GRID2: variants seen among roughly 807,000 people sequenced by gnomAD.
The protein encoded by GRID2 is glutamate ionotropic receptor delta type subunit 2.
Under a neutral mutation model 114.8 loss-of-function variants are expected in GRID2, and 33 were observed. The ratio of observed to expected loss-of-function variants is 0.29; its 90% CI spans 0.22 to 0.38. The LOEUF (loss-of-function observed/expected upper bound fraction) is 0.38. GRID2 is among the 10% of genes least tolerant of loss of function. GRID2 has a pLI of 1.00. For missense variants in GRID2, 1,184 were observed against 1,257.7 expected, an observed-to-expected ratio of 0.94 and a Z score of 0.89; for synonymous variants, 505 against 449.9, an observed-to-expected ratio of 1.12 and a Z score of -1.55.
chr4:92,903,361 T>G (rs1438298968), intron 2 of GRID2, among the ~76,000 whole-genome samples: 3 of 151,966 alleles, frequency 2.0e-5, no homozygotes, highest in African/African-American at 7.2e-5. Context: ...TAAATTAATA[T>G]CCAATGCTCC....
chr4:92,952,315 A>G (rs539426297), intron 2 of GRID2, among the ~76,000 whole-genome samples: 2 of 152,322 alleles, frequency 1.3e-5, no homozygotes, highest in South Asian at 4.1e-4. Flanking sequence ...TATTTTTATC[A>G]TAATATTTCA....
chr4:93,760,154 T>C (rs972934837), intron 14 of GRID2, among the ~76,000 whole-genome samples: 1 of 152,170 alleles, frequency 6.6e-6, no homozygotes, highest in Non-Finnish European at 1.5e-5. Context: ...AATCAGTCAA[T>C]CAATATCATT....
At chr4:92,356,051 G>A (rs1184376908) in intron 1 of GRID2, among the ~76,000 whole-genome samples, 1 of 151,582 alleles carries the variant, frequency 6.6e-6, no homozygotes, top group Non-Finnish European at 1.5e-5. Flanking sequence ...TTGAAATCTA[G>A]ATCTTATATT....
At chr4:92,610,105 G>A (rs770393278) in intron 2 of GRID2, among the ~76,000 whole-genome samples, 23 of 151,584 alleles carry the variant, frequency 1.5e-4, no homozygotes, top group Non-Finnish European at 7.4e-5. Flanking sequence ...TATACAGAGG[G>A]CCAATGGAAT....
chr4:93,460,569 T>C lies in GRID2; in HGVS notation c.1858+4595T>C, dbSNP rs183523616. Among the ~76,000 whole-genome samples the C allele has an allele frequency of 2.0e-3, 297 of 152,306 alleles. 4 individuals are homozygous for C. The highest frequency in any genetic ancestry group is 7.7e-4 in the East Asian group (4 of 5,186). On this transcript the variant is annotated intron_variant, in intron 11 of 15. Coordinates refer to ENST00000282020, the MANE Select transcript of GRID2 (RefSeq NM_001510.4). Reference sequence around the variant, plus strand: ...TATTTGTCATAGTACTTACCAACCATAGTGTAATTCCTTTTTTTAAACATG... The same window carrying C: ...TATTTGTCATAGTACTTACCAACCACAGTGTAATTCCTTTTTTTAAACATG...
At chr4:93,695,401 C>T (rs1272532536) in intron 14 of GRID2, among the ~76,000 whole-genome samples, 1 of 152,048 alleles carries the variant, frequency 6.6e-6, no homozygotes, top group East Asian at 1.9e-4. Flanking sequence ...ACGTGTAGAA[C>T]CAAAAGACTA....
chr4:92,377,125 G>A (rs1297925153), intron 1 of GRID2, among the ~76,000 whole-genome samples: 1 of 152,070 alleles, frequency 6.6e-6, no homozygotes, highest in African/African-American at 2.4e-5. Context: ...CAGCCTGCAG[G>A]TTTTCTGAAC....
intron 8 of GRID2, among the ~76,000 whole-genome samples, chr4:93,276,303 A>G (rs1179180697): frequency 6.6e-6 from 1 of 152,044 alleles, no homozygotes; most frequent in Non-Finnish European, 1.5e-5. Flanking sequence ...CAATTTCATC[A>G]GTACATATCT....
chr4:92,628,388 T>C (rs898503818), intron 2 of GRID2, among the ~76,000 whole-genome samples: 27 of 152,296 alleles, frequency 1.8e-4, no homozygotes, highest in Admixed American at 1.3e-3. Context: ...TCTGTTCTGT[T>C]TGAGACTGAG....
At chr4:92,760,649 A>G (rs1242553890) in intron 2 of GRID2, among the ~76,000 whole-genome samples, 1 of 152,172 alleles carries the variant, frequency 6.6e-6, no homozygotes, top group Non-Finnish European at 1.5e-5. Context: ...CTGAGACAGC[A>G]TGTCCTGATA....
intron 8 of GRID2, among the ~76,000 whole-genome samples, chr4:93,384,640 T>C (rs1764151743): frequency 6.6e-6 from 1 of 152,194 alleles, no homozygotes; most frequent in Non-Finnish European, 1.5e-5. Flanking sequence ...AATAAATAAC[T>C]GTCTTCTTAA....
chr4:93,575,201 A>G (rs146654987), intron 13 of GRID2, among the ~76,000 whole-genome samples: 128 of 152,318 alleles, frequency 8.4e-4, no homozygotes, highest in African/African-American at 3.0e-3. Context: ...CATGGATCCC[A>G]GGAGGTGTAG....
chr4:93,177,227 G>GA (rs1016114621), intron 4 of GRID2, among the ~76,000 whole-genome samples: 12 of 150,796 alleles, frequency 8.0e-5, no homozygotes, highest in Admixed American at 3.3e-4. Context: ...ATGAGGAATT[G>GA]AAAAAACTCT....
At chr4:93,544,350 C>T (rs1732982657) in intron 13 of GRID2, among the ~76,000 whole-genome samples, 1 of 151,962 alleles carries the variant, frequency 6.6e-6, no homozygotes, top group African/African-American at 2.4e-5. Context: ...TATGATATGT[C>T]CTGATCCACC....
At chr4:93,136,818 G>A (rs976152943) in intron 4 of GRID2, among the ~76,000 whole-genome samples, 3 of 152,090 alleles carry the variant, frequency 2.0e-5, no homozygotes, top group Non-Finnish European at 2.9e-5. Flanking sequence ...AAGACATCAG[G>A]GAGATAAAAG....
chr4:92,582,330 T>C (rs1458556317), intron 1 of GRID2, among the ~76,000 whole-genome samples: 1 of 152,012 alleles, frequency 6.6e-6, no homozygotes, highest in East Asian at 1.9e-4. Flanking sequence ...CATTTAAAAA[T>C]ATGTCATAGT....
At chr4:93,506,539 G>A (rs990808682) in intron 12 of GRID2, among the ~76,000 whole-genome samples, 5 of 152,156 alleles carry the variant, frequency 3.3e-5, no homozygotes, top group Non-Finnish European at 7.3e-5. Flanking sequence ...GTATTCTGTT[G>A]TGCCACATGA....
chr4:92,492,582 C>G (rs982501484), intron 1 of GRID2, among the ~76,000 whole-genome samples: 8 of 151,992 alleles, frequency 5.3e-5, no homozygotes, highest in South Asian at 4.1e-4. Context: ...ATCTACAAAG[C>G]CTTTATGTAG....
intron 9 of GRID2, among the ~76,000 whole-genome samples, chr4:93,419,041 A>G (rs1418814033): frequency 1.4e-5 from 2 of 147,884 alleles, no homozygotes; most frequent in African/African-American, 5.0e-5. Context: ...ATTAAAAAAG[A>G]TATAGCTGGT....
Sources: gnomAD v4.1 joint callset for allele counts (sites outside exome capture counted in the v4.1 genomes callset) on GRCh38, gnomAD v4.1.1 for gene constraint, MANE v1.5 for transcripts, NCBI Gene and HGNC (gene_info 2026-07-23, HGNC 2026-07-21) for gene names.